Variants in SLC35F3 observed in about 807,000 individuals in gnomAD.
SLC35F3 encodes the protein putative thiamine transporter SLC35F3.
In SLC35F3, 25 loss-of-function variants were observed where a neutral mutation model predicts 49.9. The observed-to-expected ratio is 0.50, with a 90% CI of 0.37 to 0.70. The LOEUF is 0.70. SLC35F3 is among the 30% of genes least tolerant of loss of function. The pLI, the probability that SLC35F3 is intolerant of heterozygous loss-of-function variation, is 0.00. For missense variants in SLC35F3, 525 were observed against 639.8 expected (o/e 0.82, Z 1.94); for synonymous variants, 275 against 265.4 (o/e 1.04, Z -0.35).
chr1:234,228,263 T>TA (rs1437461837), intron 2 of SLC35F3, among the ~76,000 whole-genome samples: 2 of 152,206 alleles, frequency 1.3e-5, no homozygotes, highest in Non-Finnish European at 2.9e-5. Flanking sequence ...CTATTTTACT[T>TA]ACTTTTATGT....
chr1:233,977,748 A>T (rs1663114540), intron 2 of SLC35F3, among the ~76,000 whole-genome samples: 1 of 152,158 alleles, frequency 6.6e-6, no homozygotes, highest in African/African-American at 2.4e-5. Flanking sequence ...ATATTTGCTT[A>T]TTAAGTTGCC....
At chr1:234,134,249 A>G (rs1178307030) in intron 2 of SLC35F3, among the ~76,000 whole-genome samples, 1 of 149,912 alleles carries the variant, frequency 6.7e-6, no homozygotes, top group Non-Finnish European at 1.5e-5. Flanking sequence ...TTCTAATGGG[A>G]AAATTGTATA....
chr1:234,155,358 C>T, intron 2 of SLC35F3, among the ~76,000 whole-genome samples: 1 of 149,964 alleles, frequency 6.7e-6, no homozygotes, highest in Non-Finnish European at 1.5e-5. Flanking sequence ...TGTTGATAAA[C>T]TTCCATGTCC....
intron 3 of SLC35F3, among the ~76,000 whole-genome samples, chr1:234,269,627 A>G (rs1308872735): frequency 2.0e-5 from 3 of 151,756 alleles, no homozygotes; most frequent in African/African-American, 7.3e-5. Flanking sequence ...TCTAAATCTC[A>G]TGTTGAGATT....
chr1:234,283,024 GAAAT>G (rs1668354324), intron 3 of SLC35F3, among the ~76,000 whole-genome samples: 1 of 152,194 alleles, frequency 6.6e-6, no homozygotes, highest in Non-Finnish European at 1.5e-5. Flanking sequence ...TTTCTTAAAA[GAAAT>G]AAAGAAAAAT....
intron 2 of SLC35F3, among the ~76,000 whole-genome samples, chr1:233,990,294 G>A (rs546368139): frequency 6.6e-6 from 1 of 152,286 alleles, no homozygotes; most frequent in East Asian, 1.9e-4. Context: ...TGTTTGGAGT[G>A]TATGAATTTA....
chr1:233,972,941 T>A (rs1663019160), intron 2 of SLC35F3, among the ~76,000 whole-genome samples: 1 of 152,256 alleles, frequency 6.6e-6, no homozygotes, highest in Admixed American at 6.5e-5. Flanking sequence ...CTGAGCCCAC[T>A]GTGCCTTGCC....
intron 2 of SLC35F3, among the ~76,000 whole-genome samples, chr1:233,999,243 A>G (rs1447125217): frequency 6.6e-6 from 1 of 152,146 alleles, no homozygotes; most frequent in Non-Finnish European, 1.5e-5. Flanking sequence ...GACTTAGAAT[A>G]TAAACTCCAG....
intron 4 of SLC35F3, among the ~76,000 whole-genome samples, chr1:234,315,963 C>G (rs1657480228): frequency 6.6e-6 from 1 of 152,198 alleles, no homozygotes; most frequent in Admixed American, 6.5e-5. Context: ...AAGTCAGCAT[C>G]AGGACAATAA....
chr1:234,034,078 G>T (rs944148740), intron 2 of SLC35F3, among the ~76,000 whole-genome samples: 2 of 152,138 alleles, frequency 1.3e-5, no homozygotes, highest in African/African-American at 4.8e-5. Context: ...CACCGCCTTG[G>T]TTAGGTATAT....
At chr1:234,223,525 C>T (rs1490280743) in intron 2 of SLC35F3, among the ~76,000 whole-genome samples, 4 of 152,228 alleles carry the variant, frequency 2.6e-5, no homozygotes, top group Non-Finnish European at 5.9e-5. Context: ...CTACACACTG[C>T]CTCCAGAAAT....
intron 2 of SLC35F3, among the ~76,000 whole-genome samples, chr1:234,066,096 G>A (rs947510929): frequency 4.6e-5 from 7 of 152,150 alleles, no homozygotes; most frequent in African/African-American, 1.7e-4. Context: ...GCTCGCTGGA[G>A]AAAAAATAAT....
chr1:233,913,246 G>A (rs574032109), intron 2 of SLC35F3, among the ~76,000 whole-genome samples: 1 of 152,302 alleles, frequency 6.6e-6, no homozygotes, highest in East Asian at 1.9e-4. Context: ...CGCTTGATTA[G>A]AACATCATGG....
intron 3 of SLC35F3, among the ~76,000 whole-genome samples, chr1:234,287,521 T>C (rs183458731): frequency 2.0e-4 from 31 of 152,316 alleles, no homozygotes; most frequent in Middle Eastern, 6.8e-3. Context: ...AGCTAACATT[T>C]ATTGAATACT....
chr1:233,921,829 T>C (rs1219258128), intron 2 of SLC35F3, among the ~76,000 whole-genome samples: 1 of 127,614 alleles, frequency 7.8e-6, no homozygotes, highest in Non-Finnish European at 1.6e-5. Context: ...CAGTGTGTGA[T>C]GTTCCCCACC....
At chr1:234,173,751 T>G (rs1015883748) in intron 2 of SLC35F3, among the ~76,000 whole-genome samples, 1 of 152,238 alleles carries the variant, frequency 6.6e-6, no homozygotes, top group African/African-American at 2.4e-5. Context: ...CCATAGCCCC[T>G]GCCTCCAGGA....
intron 2 of SLC35F3, among the ~76,000 whole-genome samples, chr1:234,070,755 GTT>G (rs34460072): frequency 3.3e-5 from 5 of 151,588 alleles, no homozygotes; most frequent in Admixed American, 1.3e-4. Context: ...ATTTCCTGCA[GTT>G]TTTTTTTGTA....
intron 2 of SLC35F3, among the ~76,000 whole-genome samples, chr1:234,074,581 A>C (rs918918480): frequency 1.3e-4 from 20 of 152,224 alleles, no homozygotes; most frequent in African/African-American, 4.8e-4. Flanking sequence ...CAGGGGGCCC[A>C]GTCAGAAAAG....
At chr1:234,094,456 C>T (rs1665088902) in intron 2 of SLC35F3, among the ~76,000 whole-genome samples, 1 of 152,250 alleles carries the variant, frequency 6.6e-6, no homozygotes, top group Admixed American at 6.5e-5. Context: ...AGTAGAGTGA[C>T]ACTTTGTTAT....
Sources: gnomAD v4.1 joint callset for allele counts (sites outside exome capture counted in the v4.1 genomes callset) on GRCh38, gnomAD v4.1.1 for gene constraint, MANE v1.5 for transcripts, NCBI Gene and HGNC (gene_info 2026-07-23, HGNC 2026-07-21) for gene names.